DCUN1D2: variants seen among roughly 807,000 people sequenced by gnomAD.
DCUN1D2 encodes the protein defective in cullin neddylation 1 domain containing 2.
In DCUN1D2, 29 loss-of-function variants were observed where a neutral mutation model predicts 30.9. That is an observed-to-expected ratio of 0.94 (90% CI 0.70 to 1.28). The LOEUF is 1.28. Ranked by LOEUF, DCUN1D2 falls within the 50% of genes most tolerant of loss-of-function variation. The probability of loss-of-function intolerance (pLI) is 0.00; values close to 1 mark genes in which losing one functional copy is unlikely to be tolerated. For synonymous variants in DCUN1D2, 121 were observed against 115.3 expected (o/e 1.05, Z -0.32); for missense variants, 325 against 316.9 (o/e 1.03, Z -0.19).
At chr13:113,460,895 C>T (rs2044307877) in intron 5 of DCUN1D2, among the ~76,000 whole-genome samples, 159 bp downstream of exon 5, 1 of 152,162 alleles carries the variant, frequency 6.6e-6, no homozygotes, top group Non-Finnish European at 1.5e-5. Context: ...GGTGACAGAG[C>T]CAAGTGGCAA....
chr13:113,486,120 A>T (rs1324009199), intron 1 of DCUN1D2, among the ~76,000 whole-genome samples: 1 of 152,194 alleles, frequency 6.6e-6, no homozygotes, highest in Admixed American at 6.5e-5. Context: ...TCATTCTTAA[A>T]AACATATAGG....
chr13:113,487,660 A>G (rs910500342), intron 1 of DCUN1D2, among the ~76,000 whole-genome samples: 7 of 152,176 alleles, frequency 4.6e-5, no homozygotes, highest in Non-Finnish European at 1.0e-4. Context: ...GCACATCTAT[A>G]TAGAGAGAAA....
Position 113,459,420 on chromosome 13 carries a change from G to T in DCUN1D2, c.604-12C>A. ...CTTTTGTGATGTTCCTAATATATGAGAGAAAAAAAAAACCCACCAGGTTTA... is the reference window on the plus strand; with the variant it reads ...CTTTTGTGATGTTCCTAATATATGATAGAAAAAAAAAACCCACCAGGTTTA... On this transcript the variant is annotated splice_polypyrimidine_tract_variant and intron_variant, in intron 5 of 6. Coordinates refer to ENST00000478244, the MANE Select transcript of DCUN1D2 (RefSeq NM_001014283.2). 4.5e-6 allele frequency: 6 copies of T among 1,331,310 alleles called. No individual in the cohort carries two copies. Among genetic ancestry groups the T allele is most frequent in the African/African-American group, 1.5e-5 (1 of 67,568 alleles). The allele number at this position is 1,331,310 out of a possible 1,614,324, so 82.5% of individuals were successfully genotyped here.
intron 4 of DCUN1D2, among the ~76,000 whole-genome samples, chr13:113,470,822 C>A (rs948574637): frequency 1.3e-5 from 2 of 148,494 alleles, no homozygotes; most frequent in Non-Finnish European, 3.0e-5. Flanking sequence ...CACAGGGGAC[C>A]CAACTCCACA....
intron 2 of DCUN1D2, 132 bp downstream of exon 2, chr13:113,483,708 G>T (rs543952307): frequency 3.8e-6 from 3 of 787,256 alleles, no homozygotes; most frequent in Non-Finnish European, 6.1e-6. Flanking sequence ...GCTGAGCGCC[G>T]AGCGCTGAGC....
intron 5 of DCUN1D2, among the ~76,000 whole-genome samples, chr13:113,459,818 A>T (rs2044289302): frequency 6.6e-6 from 1 of 152,200 alleles, no homozygotes; most frequent in South Asian, 2.1e-4. Context: ...CCCACTCAGC[A>T]TAATGTCTGA....
intron 1 of DCUN1D2, among the ~76,000 whole-genome samples, chr13:113,484,523 T>C (rs1202866970): frequency 6.6e-6 from 1 of 152,124 alleles, no homozygotes; most frequent in Admixed American, 6.6e-5. Flanking sequence ...CAGAATCACA[T>C]TGATGAAAAT....
At chr13:113,466,801 ATTTTTTTTTTTT>A (rs112063279) in intron 4 of DCUN1D2, among the ~76,000 whole-genome samples, 6 of 109,798 alleles carry the variant, frequency 5.5e-5, no homozygotes, top group Non-Finnish European at 9.2e-5. Context: ...TGTCCTTTGG[ATTTTTTTTTTTT>A]TTTTTTTTTT....
chr13:113,471,312 G>A (rs753163772), intron 4 of DCUN1D2, among the ~76,000 whole-genome samples: 2 of 144,876 alleles, frequency 1.4e-5, no homozygotes, highest in Non-Finnish European at 3.0e-5. Flanking sequence ...CTCCACAGAA[G>A]ACCCAACTCC....
chr13:113,484,818 G>T (rs1360843563), intron 1 of DCUN1D2, among the ~76,000 whole-genome samples: 1 of 152,104 alleles, frequency 6.6e-6, no homozygotes, highest in African/African-American at 2.4e-5. Flanking sequence ...AAAGTAACTT[G>T]ATGATGTAAT....
chr13:113,466,571 T>C (rs1279571370), intron 4 of DCUN1D2, among the ~76,000 whole-genome samples: 1 of 152,126 alleles, frequency 6.6e-6, no homozygotes, highest in African/African-American at 2.4e-5. Context: ...CTGCCCCGAG[T>C]GTGGAAACTA....
At position 113,490,655 on chromosome 13, in the gene DCUN1D2, CG is replaced by C. The variant is rs749145962; in HGVS notation, c.3+11del. On this transcript the variant is annotated intron_variant, in intron 1 of 6. Coordinates refer to ENST00000478244, the MANE Select transcript of DCUN1D2 (RefSeq NM_001014283.2). This position sits in a 1 kb window ranked among gnomAD's most constrained non-coding sequence, Gnocchi z 5.2. ...CGACCCCGACGGGCAGAGGCGACGC[CG>C]GGCCACCTACCATCTCCCCCGCGCC... 23 of 1,246,286 alleles carry C rather than the reference CG, an allele frequency of 1.8e-5. 1 individual carries two copies. The South Asian group carries it at 3.6e-4, about 20-fold the overall frequency. The allele number at this position is 1,246,286 out of a possible 1,614,324, so 77.2% of individuals were successfully genotyped here.
chr13:113,457,642 G>A lies in DCUN1D2; in HGVS notation c.*387C>T. On this transcript the variant is annotated 3_prime_UTR_variant, in exon 7 of 7. Coordinates refer to ENST00000478244, the MANE Select transcript of DCUN1D2 (RefSeq NM_001014283.2). ...AGAGGACACATGCCGTGTTGCCAGT[G>A]CCACCGCAACGTCATTCGGCGGGAC... The A allele has an allele frequency of 6.2e-6, 1 of 160,470 alleles. No individual in the cohort carries two copies. Among genetic ancestry groups the A allele is most frequent in the Non-Finnish European group, 1.4e-5 (1 of 73,672 alleles). 9.9% of individuals were successfully genotyped at this position (160,470 alleles called of 1,614,324 possible).
chr13:113,482,304 A>G (rs775997161), intron 2 of DCUN1D2, among the ~76,000 whole-genome samples: 6 of 152,256 alleles, frequency 3.9e-5, no homozygotes, highest in Non-Finnish European at 5.9e-5. Flanking sequence ...TGAAGCTTCA[A>G]TAACACCCAA....
intron 4 of DCUN1D2, among the ~76,000 whole-genome samples, chr13:113,470,228 C>T (rs1299067660): frequency 6.6e-6 from 1 of 152,214 alleles, no homozygotes; most frequent in Non-Finnish European, 1.5e-5. Context: ...CACACGCTGT[C>T]CAGGTTTGTA....
chr13:113,459,262 T>C (rs1417970822), intron 6 of DCUN1D2, 50 bp downstream of exon 6: 2 of 1,014,440 alleles, frequency 2.0e-6, no homozygotes, highest in East Asian at 2.4e-5. Flanking sequence ...AAGTTAACGT[T>C]CTCAGGTGTA....
In DCUN1D2 at chr13:113,490,681, C is replaced by A. The variant is rs1219042580; in HGVS notation, c.-12G>T. On this transcript the variant is annotated 5_prime_UTR_variant, in exon 1 of 7. Transcript: ENST00000478244. This position sits in a 1 kb window ranked among gnomAD's most constrained non-coding sequence, Gnocchi z 5.2. ...GGGCCACCTACCATCTCCCCCGCGC[C>A]GCCCGCTTCTGGCCGGCCCCGGCCT... is the stretch of plus-strand genomic sequence containing the variant. 3.2e-6 allele frequency: 4 copies of A among 1,242,826 alleles called. No individual in the cohort carries two copies. Among genetic ancestry groups the A allele is most frequent in the South Asian group, 2.7e-5 (1 of 36,548 alleles). The allele number at this position is 1,242,826 out of a possible 1,614,324, so 77.0% of individuals were successfully genotyped here. A position where few individuals can be genotyped will look rare whatever the true frequency, so the allele number is the denominator to read the frequency against.
intron 1 of DCUN1D2, among the ~76,000 whole-genome samples, chr13:113,484,424 G>A (rs895599344): frequency 9.2e-5 from 14 of 152,210 alleles, no homozygotes; most frequent in African/African-American, 3.4e-4. Flanking sequence ...GGTCACAGCT[G>A]CAGTCTTCTT....
intron 4 of DCUN1D2, among the ~76,000 whole-genome samples, chr13:113,473,042 C>T (rs2044551233): frequency 7.1e-6 from 1 of 140,654 alleles, no homozygotes. Flanking sequence ...TGCCCGTGTC[C>T]CCCCGTGCCT....
Sources: gnomAD v4.1 joint callset for allele counts (sites outside exome capture counted in the v4.1 genomes callset) on GRCh38, gnomAD v4.1.1 for gene constraint, Gnocchi (gnomAD v3.1) non-coding constraint, MANE v1.5 for transcripts, NCBI Gene and HGNC (gene_info 2026-07-23, HGNC 2026-07-21) for gene names.